Variants in MSH3 observed in about 807,000 individuals in gnomAD.
The protein encoded by MSH3 is DNA mismatch repair protein Msh3.
A neutral mutation model predicts 123.3 loss-of-function variants in MSH3; 106 were observed. The observed-to-expected ratio is 0.86, with a 90% confidence interval of 0.73 to 1.01. The LOEUF (loss-of-function observed/expected upper bound fraction) is 1.01. MSH3 is among the 50% of genes least tolerant of loss of function. MSH3 has a pLI of 0.00. For missense variants in MSH3, 1,459 were observed against 1,347.6 expected (o/e 1.08, Z -1.29); for synonymous variants, 515 against 481.4 (o/e 1.07, Z -0.91).
At chr5:80,677,054 C>T (rs1749856951) in intron 7 of MSH3, among the ~76,000 whole-genome samples, 1 of 152,188 alleles carries the variant, frequency 6.6e-6, no homozygotes, top group Admixed American at 6.5e-5. Flanking sequence ...GCTCCAGGCT[C>T]CTGCATCCAA....
intron 20 of MSH3, among the ~76,000 whole-genome samples, chr5:80,832,345 G>A (rs1031048017): frequency 6.6e-6 from 1 of 152,082 alleles, no homozygotes; most frequent in African/African-American, 2.4e-5. Context: ...TGGAGGCCTG[G>A]CATGGTGGCT....
intron 17 of MSH3, 103 bp downstream of exon 17, chr5:80,778,939 A>G (rs543590594): frequency 4.2e-6 from 3 of 710,488 alleles, no homozygotes; most frequent in East Asian, 5.1e-5. Flanking sequence ...CTCATGACCC[A>G]CCATAAAATA....
intron 8 of MSH3, among the ~76,000 whole-genome samples, chr5:80,705,381 T>TA (rs1420021695): frequency 1.3e-5 from 2 of 152,218 alleles, no homozygotes; most frequent in Non-Finnish European, 2.9e-5. Context: ...AATTGACTGT[T>TA]ATAGTTCCAG....
At chr5:80,824,285 C>A (rs1745251955) in intron 20 of MSH3, among the ~76,000 whole-genome samples, 1 of 152,026 alleles carries the variant, frequency 6.6e-6, no homozygotes, top group Admixed American at 6.6e-5. Flanking sequence ...CAGAGGCGCC[C>A]CTCACCTCCC....
chr5:80,788,816 AAGAG>A (rs1221394851), intron 18 of MSH3, among the ~76,000 whole-genome samples: 1 of 151,968 alleles, frequency 6.6e-6, no homozygotes, highest in African/African-American at 2.4e-5. Context: ...AAAAAAAAAA[AAGAG>A]AGATAGAATT....
At chr5:80,755,633 A>G (rs1480394249) in intron 12 of MSH3, among the ~76,000 whole-genome samples, 7 of 152,172 alleles carry the variant, frequency 4.6e-5, no homozygotes, top group Non-Finnish European at 8.8e-5. Context: ...TGTATTTAAA[A>G]CATAAGGGAA....
chr5:80,698,903 A>G (rs560990132), intron 8 of MSH3, among the ~76,000 whole-genome samples: 1 of 152,330 alleles, frequency 6.6e-6, no homozygotes, highest in African/African-American at 2.4e-5. Context: ...ATACATATGT[A>G]ACAAACCTGC....
chr5:80,847,358 AT>A (rs752946570), intron 20 of MSH3, among the ~76,000 whole-genome samples: 255 of 141,100 alleles, frequency 1.8e-3, no homozygotes, highest in Middle Eastern at 7.2e-3. Flanking sequence ...CTGGCTGAAT[AT>A]TTTTTTTTTT....
intron 8 of MSH3, among the ~76,000 whole-genome samples, chr5:80,703,480 T>C (rs1750654377): frequency 6.6e-6 from 1 of 152,010 alleles, no homozygotes; most frequent in Admixed American, 6.5e-5. Context: ...TGCAGGTTGA[T>C]TGTCAGATTC....
chr5:80,708,466 A>T (rs1013866496), intron 8 of MSH3, among the ~76,000 whole-genome samples: 4 of 151,262 alleles, frequency 2.6e-5, no homozygotes, highest in African/African-American at 4.9e-5. Context: ...TTATTTATTT[A>T]TTTTTTTTAG....
At chr5:80,808,620 A>G (rs1381537441) in intron 19 of MSH3, among the ~76,000 whole-genome samples, 2 of 152,016 alleles carry the variant, frequency 1.3e-5, no homozygotes, top group Admixed American at 6.6e-5. Context: ...CTATATATAC[A>G]AAGAATTGAT....
chr5:80,872,033 T>C (rs982649807), intron 22 of MSH3, among the ~76,000 whole-genome samples: 10 of 152,186 alleles, frequency 6.6e-5, no homozygotes, highest in African/African-American at 1.4e-4. Flanking sequence ...ATAAACTCTT[T>C]AGTCCTAAGT....
chr5:80,689,598 A>G (rs568653538), intron 8 of MSH3, among the ~76,000 whole-genome samples: 150 of 152,268 alleles, frequency 9.9e-4, no homozygotes, highest in Admixed American at 2.4e-3. Context: ...AAGTAAATGT[A>G]TGAAACAAAT....
At chr5:80,701,125 TAAAA>T (rs1405650165) in intron 8 of MSH3, among the ~76,000 whole-genome samples, 1 of 152,136 alleles carries the variant, frequency 6.6e-6, no homozygotes, top group Non-Finnish European at 1.5e-5. Context: ...ATTAGCATCT[TAAAA>T]AAATCCTACA....
chr5:80,806,415 A>G (rs140545865), intron 19 of MSH3, among the ~76,000 whole-genome samples: 235 of 152,364 alleles, frequency 1.5e-3, no homozygotes, highest in African/African-American at 5.4e-3. Flanking sequence ...ATTTTTATAC[A>G]TGATATGAGT....
Position 80,761,458 on chromosome 5 carries a change from G to C in MSH3, c.1764-88G>C. On this transcript the variant is annotated intron_variant, in intron 12 of 23. Transcript: ENST00000265081. ...TTTCCTTTGTGCCTAATAAGTGGCTGTGTCACATTCCTGGGCATTAGAGTG... is the reference window on the plus strand; with the variant it reads ...TTTCCTTTGTGCCTAATAAGTGGCTCTGTCACATTCCTGGGCATTAGAGTG... The C allele has an allele frequency of 2.7e-6, 4 of 1,493,198 alleles. No individual in the cohort carries two copies. The South Asian group carries it at 3.4e-5, about 13-fold the overall frequency. The allele number at this position is 1,493,198 out of a possible 1,614,324, so 92.5% of individuals were successfully genotyped here.
chr5:80,731,763 GC>G (rs1743416825), intron 10 of MSH3, among the ~76,000 whole-genome samples: 1 of 152,076 alleles, frequency 6.6e-6, no homozygotes, highest in South Asian at 2.1e-4. Flanking sequence ...AAATAATGTT[GC>G]TTCTTAAGGT....
chr5:80,692,753 G>T (rs901847340), intron 8 of MSH3, among the ~76,000 whole-genome samples: 31 of 96,958 alleles, frequency 3.2e-4, no homozygotes, highest in East Asian at 1.1e-3. Context: ...TATATGTTTA[G>T]ATAAATATAC....
At chr5:80,688,699 T>G (rs997959962) in intron 8 of MSH3, among the ~76,000 whole-genome samples, 9 of 152,160 alleles carry the variant, frequency 5.9e-5, no homozygotes, top group African/African-American at 2.2e-4. Flanking sequence ...GAAGTCCAAC[T>G]TCTTTCTAAT....
Sources: gnomAD v4.1 joint callset for allele counts (sites outside exome capture counted in the v4.1 genomes callset) on GRCh38, gnomAD v4.1.1 for gene constraint, MANE v1.5 for transcripts, NCBI Gene and HGNC (gene_info 2026-07-23, HGNC 2026-07-21) for gene names.